The following ARHGEF18 variants were observed in gnomAD, a reference collection of about 807,000 sequenced individuals.
ARHGEF18 encodes the protein rho guanine nucleotide exchange factor 18.
Under a neutral mutation model 155.7 loss-of-function variants are expected in ARHGEF18, and 93 were observed. The observed-to-expected ratio is 0.60, with a 90% CI of 0.50 to 0.71. ARHGEF18 has a LOEUF of 0.71. ARHGEF18 is among the 30% of genes least tolerant of loss of function. The probability of loss-of-function intolerance (pLI) is 0.00; values close to 1 mark genes in which losing one functional copy is unlikely to be tolerated. For missense variants in ARHGEF18, 1,593 were observed against 1,816.1 expected, an observed-to-expected ratio of 0.88 and a Z score of 2.23; for synonymous variants, 742 against 753.1, an observed-to-expected ratio of 0.99 and a Z score of 0.24.
Position 7,440,872 on chromosome 19 carries a change from G to T in ARHGEF18, c.1106+390G>T, listed in dbSNP as rs1330075560. Among the ~76,000 whole-genome samples, 1 of 152,138 alleles carries T rather than the reference G, an allele frequency of 6.6e-6. No homozygotes were observed. Among genetic ancestry groups the T allele is most frequent in the Non-Finnish European group, 1.5e-5 (1 of 68,020 alleles). The stretch of plus-strand genomic sequence containing the variant: ...AGTGGTTCCCTTGATAATGCCTGCA[G>T]CGGTGTCCGGGTAGAAAGTGATGCT... On this transcript the variant is annotated intron_variant, in intron 11 of 28. Coordinates refer to ENST00000668164, the MANE Select transcript of ARHGEF18 (RefSeq NM_001367823.1). The surrounding 1 kb of genome is among the most constrained non-coding windows in gnomAD (Gnocchi z 5.4).
At chr19:7,404,556 T>C (rs1362787828) in intron 10 of ARHGEF18, among the ~76,000 whole-genome samples, 3 of 148,476 alleles carry the variant, frequency 2.0e-5, no homozygotes, top group Non-Finnish European at 4.5e-5. Flanking sequence ...GTCTCCCGGG[T>C]TCAAGTGATT....
At chr19:7,399,357 CTAAAT>C (rs1476578042) in intron 10 of ARHGEF18, among the ~76,000 whole-genome samples, 2 of 152,064 alleles carry the variant, frequency 1.3e-5, no homozygotes, top group African/African-American at 4.8e-5. Context: ...TGTATGTGAA[CTAAAT>C]TAAATTTGCT....
Position 7,468,863 on chromosome 19 carries a change from A to G in ARHGEF18, c.3519A>G (p.Glu1173=), listed in dbSNP as rs1976830725. 1.9e-6 allele frequency: 3 copies of G among 1,568,142 alleles called. No individual in the cohort carries two copies. The highest frequency in any genetic ancestry group is 2.6e-6 in the Non-Finnish European group (3 of 1,154,094). The change falls in exon 27 of 29, where the codon GAA becomes GAG. Residue 1173 remains glutamate, a synonymous_variant. Coordinates refer to ENST00000668164, the MANE Select transcript of ARHGEF18 (RefSeq NM_001367823.1). Reference sequence around the variant, plus strand: ...GCCACCCTCCCAGCTTCAACGGGGAAGGGCTGGAGGGCCCTCGTGTGAGCA... The same window carrying G: ...GCCACCCTCCCAGCTTCAACGGGGAGGGGCTGGAGGGCCCTCGTGTGAGCA... The part of the protein sequence containing the change: ...PPSHPPSFNG[E]GLEGPRVSML...
chr19:7,437,969 C>T (rs1170496617), intron 10 of ARHGEF18, among the ~76,000 whole-genome samples: 2 of 150,982 alleles, frequency 1.3e-5, no homozygotes, highest in African/African-American at 2.4e-5. Flanking sequence ...TATTTCTCTT[C>T]TCTAAGCTCC....
chr19:7,432,857 T>A (rs1041499514), intron 10 of ARHGEF18, among the ~76,000 whole-genome samples: 3 of 152,208 alleles, frequency 2.0e-5, no homozygotes, highest in African/African-American at 7.2e-5. Context: ...ATTAAGACAG[T>A]CACTTAATAT....
intron 10 of ARHGEF18, chr19:7,394,950 C>G (rs1363179431): frequency 3.0e-6 from 2 of 674,128 alleles, no homozygotes; most frequent in Non-Finnish European, 3.7e-6. Flanking sequence ...CCTCCCACTT[C>G]GGTGCCCGCG....
At position 7,470,197 on chromosome 19, in the gene ARHGEF18, G is replaced by A. The variant is rs370558085; in HGVS notation, c.3985G>A (p.Gly1329Ser). ...CGAGGGCTTCTCTCTCAAGGCCGGG[G>A]GCACAGCCCTCCTGCCCGGGCCCCC... ...PSEGFSLKAG[G>S]TALLPGPPAP... Residue 1329 changes from glycine (G) to serine (S), a missense_variant, in exon 29 of 29, where the codon GGC becomes AGC. Coordinates refer to ENST00000668164, the MANE Select transcript of ARHGEF18 (RefSeq NM_001367823.1). The surrounding 1 kb of genome is among the most constrained non-coding windows in gnomAD (Gnocchi z 5.9). 13 of 1,611,574 alleles carry A rather than the reference G, an allele frequency of 8.1e-6. No homozygotes were observed. Among genetic ancestry groups the A allele is most frequent in the Admixed American group, 1.7e-5 (1 of 59,864 alleles).
rs1976831449 is a variant in ARHGEF18, at chr19:7,468,874, GC to G, written c.3533del (p.Pro1178LeufsTer3). ...AGCTTCAACGGGGAAGGGCTGGAGG[GC>G]CCTCGTGTGAGCATGCTGCCATCCG... ...PPSFNGEGLE[G>X]PRVSMLPSGV... is the part of the protein sequence containing the mutation. On this transcript the variant is annotated frameshift_variant, in exon 27 of 29. Transcript: ENST00000668164. LOFTEE classifies it high-confidence loss of function. 4 of 1,574,180 alleles carry G rather than the reference GC, an allele frequency of 2.5e-6. No individual in the cohort carries two copies. The highest frequency in any genetic ancestry group is 1.8e-5 in the Admixed American group (1 of 55,136).
intron 18 of ARHGEF18, 63 bp downstream of exon 18, chr19:7,456,466 C>G: frequency 6.6e-7 from 1 of 1,515,568 alleles, no homozygotes; most frequent in Admixed American, 1.7e-5. Context: ...TCTATAATCC[C>G]AGCACTTTGG....
At chr19:7,380,172 T>A (rs1970655815) in intron 7 of ARHGEF18, among the ~76,000 whole-genome samples, 1 of 146,276 alleles carries the variant, frequency 6.8e-6, no homozygotes, top group African/African-American at 2.5e-5. Flanking sequence ...AGCAAAACCC[T>A]GTTTAAAAAA....
chr19:7,355,788 T>C, intron 1 of ARHGEF18: 2 of 895,836 alleles, frequency 2.2e-6, no homozygotes, highest in South Asian at 1.0e-4. Context: ...CTTCGAGCTT[T>C]TTCTTGGCTG....
chr19:7,453,051 T>C (rs1297799259), intron 16 of ARHGEF18, among the ~76,000 whole-genome samples: 1 of 151,320 alleles, frequency 6.6e-6, no homozygotes, highest in Admixed American at 6.6e-5. Context: ...CCAAAAAAAA[T>C]AGCTGGGCAT....
chr19:7,425,479 C>G (rs1166294673), intron 10 of ARHGEF18, among the ~76,000 whole-genome samples: 1 of 151,326 alleles, frequency 6.6e-6, no homozygotes, highest in East Asian at 2.0e-4. Context: ...GTCAGGAGTT[C>G]AAGACCAGCC....
Position 7,470,304 on chromosome 19 carries a change from C to T in ARHGEF18, c.*6C>T, listed in dbSNP as rs1976950059. The T allele has an allele frequency of 1.3e-6, 2 of 1,517,026 alleles. No individual in the cohort carries two copies. The allele number at this position is 1,517,026 out of a possible 1,614,324, so 94.0% of individuals were successfully genotyped here. ...AAGACGTCATCTTCTTCTAAAAGGG[C>T]CGTGACTCAAGGTGCAAGGCCCCTC... On this transcript the variant is annotated 3_prime_UTR_variant, in exon 29 of 29. Coordinates refer to ENST00000668164, the MANE Select transcript of ARHGEF18 (RefSeq NM_001367823.1). The surrounding 1 kb of genome is among the most constrained non-coding windows in gnomAD (Gnocchi z 5.9).
At chr19:7,452,453 A>AATTTATTT (rs370557521) in intron 16 of ARHGEF18, among the ~76,000 whole-genome samples, 31 of 151,858 alleles carry the variant, frequency 2.0e-4, no homozygotes, top group South Asian at 1.0e-3. Flanking sequence ...GAGGGAATCT[A>AATTTATTT]ATTTATTTAT....
intron 10 of ARHGEF18, among the ~76,000 whole-genome samples, chr19:7,385,819 A>ATCTC (rs1252967510): frequency 2.7e-4 from 24 of 89,316 alleles, no homozygotes; most frequent in African/African-American, 1.2e-3. Flanking sequence ...TAGAGATAGG[A>ATCTC]TCTATCTCTC....
At chr19:7,381,082 T>TG in intron 8 of ARHGEF18, 88 bp downstream of exon 8, 1 of 1,056,890 alleles carries the variant, frequency 9.5e-7, no homozygotes, top group Non-Finnish European at 1.2e-6. Flanking sequence ...CCCCCCATGC[T>TG]GGGGGCAGGA....
chr19:7,426,684 G>A (rs779767059), intron 10 of ARHGEF18, among the ~76,000 whole-genome samples: 2 of 152,012 alleles, frequency 1.3e-5, no homozygotes, highest in Non-Finnish European at 1.5e-5. Context: ...TGCCGCTGCC[G>A]TGGCTGAGAG....
intron 7 of ARHGEF18, among the ~76,000 whole-genome samples, chr19:7,379,420 G>A (rs191872187): frequency 8.5e-5 from 13 of 152,268 alleles, no homozygotes; most frequent in Admixed American, 3.9e-4. Flanking sequence ...TTAGCCAGGC[G>A]TGGTGGCACG....
Sources: allele counts gnomAD v4.1 joint callset (sites outside exome capture counted in the v4.1 genomes callset), GRCh38; gene constraint gnomAD v4.1.1; non-coding constraint Gnocchi (gnomAD v3.1); transcripts MANE v1.5; gene names NCBI Gene and HGNC (gene_info 2026-07-23, HGNC 2026-07-21).